Variants in DMD observed in about 807,000 individuals in gnomAD.
DMD encodes mutant dystrophin.
DMD carries 63 observed loss-of-function variants against 330.1 expected under a neutral mutation model. The observed-to-expected ratio is 0.19, with a 90% CI of 0.16 to 0.24. DMD has a LOEUF of 0.24. Ranked by LOEUF, DMD falls within the 10% of genes least tolerant of loss-of-function variation. The pLI is 1.00. For missense variants in DMD, 3,344 were observed against 2,684.1 expected (o/e 1.25, Z -5.43); for synonymous variants, 1,223 against 959.8 (o/e 1.27, Z -5.07).
intron 55 of DMD, among the ~76,000 whole-genome samples, chrX:31,611,163 CACAAGAACT>C (rs2077894548): frequency 9.2e-6 from 1 of 109,181 alleles, no homozygotes; most frequent in Non-Finnish European, 1.9e-5. Flanking sequence ...TTTAAGTGGG[CACAAGAACT>C]ACCTAGGGGC....
intron 21 of DMD, among the ~76,000 whole-genome samples, chrX:32,482,615 G>A (rs773066589): frequency 1.2e-3 from 136 of 111,363 alleles, no homozygotes; most frequent in African/African-American, 4.4e-3. Context: ...ATGGACATTC[G>A]TGTATACGAT....
At chrX:31,747,971 G>A (rs908497612) in intron 51 of DMD, among the ~76,000 whole-genome samples, 1 of 111,913 alleles carries the variant, frequency 8.9e-6, no homozygotes, top group African/African-American at 3.2e-5. Context: ...TATAAGGTGA[G>A]CAAAATTGCT....
intron 48 of DMD, among the ~76,000 whole-genome samples, chrX:31,844,726 T>C (rs1260683115): frequency 1.8e-5 from 2 of 111,835 alleles, no homozygotes; most frequent in African/African-American, 6.5e-5. Flanking sequence ...TAGTTAGCCC[T>C]GTAGAGATCT....
intron 56 of DMD, among the ~76,000 whole-genome samples, chrX:31,505,764 G>T (rs1193990824): frequency 1.8e-5 from 2 of 111,212 alleles, no homozygotes; most frequent in Non-Finnish European, 3.8e-5. Flanking sequence ...CTCCTGAGTA[G>T]CTGGGACTAC....
At chrX:32,954,866 A>G (rs1235480807) in intron 2 of DMD, among the ~76,000 whole-genome samples, 1 of 111,723 alleles carries the variant, frequency 9.0e-6, no homozygotes, top group Non-Finnish European at 1.9e-5. Flanking sequence ...TGCAAAGTAC[A>G]TGGTCTCATT....
In DMD at chrX:32,595,731, T is replaced by C. The variant is rs1348792190; in HGVS notation, c.1602+26A>G. The C allele has an allele frequency of 9.1e-6, 11 of 1,204,090 alleles. No individual in the cohort carries two copies. In the South Asian group the frequency reaches 1.2e-4, roughly 14 times the overall value. Reference sequence around the variant, plus strand: ...TTATAGTTCTTTTAAAGGACATATTTAGTTTACTAAGCAAAATAATCTGAC... The same window carrying C: ...TTATAGTTCTTTTAAAGGACATATTCAGTTTACTAAGCAAAATAATCTGAC... On this transcript the variant is annotated intron_variant, in intron 13 of 78. Transcript: ENST00000357033.
intron 9 of DMD, among the ~76,000 whole-genome samples, chrX:32,664,015 G>A (rs759433226): frequency 6.3e-5 from 7 of 111,288 alleles, no homozygotes; most frequent in Non-Finnish European, 1.1e-4. Flanking sequence ...GTCTGGCAAG[G>A]CATGGGAAGG....
At chrX:31,366,540 A>G (rs1357318907) in intron 60 of DMD, among the ~76,000 whole-genome samples, 1 of 107,274 alleles carries the variant, frequency 9.3e-6, no homozygotes, top group African/African-American at 3.4e-5. Flanking sequence ...AAAGAAAAAA[A>G]AGAAAAAAAA....
intron 13 of DMD, among the ~76,000 whole-genome samples, chrX:32,583,274 T>A (rs2053863789): frequency 9.0e-6 from 1 of 111,549 alleles, no homozygotes; most frequent in Admixed American, 9.5e-5. Context: ...GGCTGGCAGA[T>A]CACCTGAGGT....
chrX:32,296,079 A>C (rs1309425437), intron 42 of DMD, among the ~76,000 whole-genome samples: 2 of 112,226 alleles, frequency 1.8e-5, no homozygotes, highest in Non-Finnish European at 3.8e-5. Flanking sequence ...AATACTGTGA[A>C]AAGTGCCAAA....
At chrX:31,754,916 C>T (rs912916257) in intron 51 of DMD, among the ~76,000 whole-genome samples, 2 of 111,283 alleles carry the variant, frequency 1.8e-5, no homozygotes, top group Non-Finnish European at 1.9e-5. Flanking sequence ...GTAGTTAGAC[C>T]GCTAAAAATA....
chrX:32,213,156 T>A (rs2097099440), intron 44 of DMD, among the ~76,000 whole-genome samples: 1 of 112,439 alleles, frequency 8.9e-6, no homozygotes, highest in Admixed American at 9.4e-5. Context: ...TGCTTCTGCG[T>A]GTGTTTGTTT....
intron 9 of DMD, among the ~76,000 whole-genome samples, chrX:32,664,751 G>C (rs2147127509): frequency 8.9e-6 from 1 of 111,995 alleles, no homozygotes; most frequent in African/African-American, 3.2e-5. Flanking sequence ...AAAAAGTTGT[G>C]TATCTAAGTT....
intron 7 of DMD, among the ~76,000 whole-genome samples, chrX:32,780,088 G>T (rs772902177): frequency 2.7e-5 from 3 of 111,512 alleles, no homozygotes; most frequent in African/African-American, 9.8e-5. Context: ...ACACTTACCC[G>T]ATATGTAGTG....
At chrX:32,270,622 G>T (rs1260944912) in intron 43 of DMD, among the ~76,000 whole-genome samples, 1 of 111,384 alleles carries the variant, frequency 9.0e-6, no homozygotes, top group East Asian at 2.8e-4. Context: ...GACTATGGAT[G>T]GAAGAGAGAA....
intron 44 of DMD, among the ~76,000 whole-genome samples, chrX:32,213,220 C>G: frequency 8.9e-6 from 1 of 111,983 alleles, no homozygotes; most frequent in Admixed American, 9.5e-5. Flanking sequence ...CTGGCTCATG[C>G]CAAACAATTG....
chrX:31,437,815 T>C (rs935124636), intron 60 of DMD, among the ~76,000 whole-genome samples: 9 of 107,341 alleles, frequency 8.4e-5, no homozygotes, highest in Non-Finnish European at 1.3e-4. Flanking sequence ...TCCTGATATA[T>C]ATATATATAT....
chrX:31,664,299 A>G (rs1288141633), intron 53 of DMD, among the ~76,000 whole-genome samples: 2 of 111,438 alleles, frequency 1.8e-5, no homozygotes, highest in Non-Finnish European at 3.8e-5. Flanking sequence ...ACCCCACCCA[A>G]GCTGAAAATT....
intron 2 of DMD, among the ~76,000 whole-genome samples, chrX:33,016,898 C>A (rs2093813781): frequency 9.0e-6 from 1 of 111,624 alleles, no homozygotes; most frequent in Non-Finnish European, 1.9e-5. Flanking sequence ...TAATGCGAAT[C>A]ATATTTGTCA....
Sources: gnomAD v4.1 joint callset for allele counts (sites outside exome capture counted in the v4.1 genomes callset) on GRCh38, gnomAD v4.1.1 for gene constraint, MANE v1.5 for transcripts, NCBI Gene and HGNC (gene_info 2026-07-23, HGNC 2026-07-21) for gene names.